The following SYNPR variants were observed in gnomAD, a reference collection of about 807,000 sequenced individuals.
SYNPR encodes synaptoporin.
SYNPR carries 23 observed loss-of-function variants against 32.9 expected under a neutral mutation model. The ratio of observed to expected loss-of-function variants is 0.70; its 90% confidence interval spans 0.50 to 0.99. The LOEUF is 0.99. SYNPR is among the 50% of genes least tolerant of loss of function. The pLI is 0.00. For missense variants in SYNPR, 318 were observed against 349.3 expected, an observed-to-expected ratio of 0.91 and a Z score of 0.71; for synonymous variants, 146 against 135.9, an observed-to-expected ratio of 1.07 and a Z score of -0.52.
chr3:63,441,796 C>T lies in SYNPR; in HGVS notation c.85-39036C>T, dbSNP rs555331173. Among the ~76,000 whole-genome samples, 29 of 152,266 alleles carry T rather than the reference C, an allele frequency of 1.9e-4. No homozygotes were observed. The East Asian group carries it at 4.3e-3, about 22-fold the overall frequency. ...CAAAAGCTCAGGCATAGGCAACAAG[C>T]GGATCGAAAGAGATGGAGGAGAGAG... On this transcript the variant is annotated intron_variant, in intron 2 of 5. Coordinates refer to ENST00000478300, the MANE Select transcript of SYNPR (RefSeq NM_001130003.2).
chr3:63,451,926 T>TC, intron 2 of SYNPR: 1 of 554,390 alleles, frequency 1.8e-6, no homozygotes, highest in South Asian at 2.6e-5. Flanking sequence ...CCAGGCTCCT[T>TC]CCCTCAGCTC....
chr3:63,564,350 C>T (rs1702747949), intron 4 of SYNPR, among the ~76,000 whole-genome samples: 1 of 152,098 alleles, frequency 6.6e-6, no homozygotes, highest in East Asian at 1.9e-4. Context: ...GGGTGCACCA[C>T]CATGCCCAGC....
chr3:63,591,108 G>C (rs369334549), intron 4 of SYNPR, among the ~76,000 whole-genome samples: 1 of 150,300 alleles, frequency 6.7e-6, no homozygotes, highest in African/African-American at 2.5e-5. Flanking sequence ...ACAAATTTAC[G>C]AGAAAAAAAC....
At chr3:63,552,341 A>G (rs1294315667) in intron 3 of SYNPR, among the ~76,000 whole-genome samples, 2 of 152,108 alleles carry the variant, frequency 1.3e-5, no homozygotes, top group African/African-American at 4.8e-5. Flanking sequence ...AATCCATTTC[A>G]TTTTTCAGTA....
At chr3:63,573,542 T>A (rs1052906066) in intron 4 of SYNPR, among the ~76,000 whole-genome samples, 1 of 152,214 alleles carries the variant, frequency 6.6e-6, no homozygotes, top group Non-Finnish European at 1.5e-5. Flanking sequence ...TCAGAATGAA[T>A]GCTGGGAGCA....
chr3:63,468,301 G>T lies in SYNPR; in HGVS notation c.85-12531G>T, dbSNP rs80050531. On this transcript the variant is annotated intron_variant, in intron 2 of 5. Coordinates refer to ENST00000478300, the MANE Select transcript of SYNPR (RefSeq NM_001130003.2). ...ACTTGCCAGTATGGTGTTCAAAGGAGGTAGAATGTAGAAAGGTTTTTAAAT... is the reference window on the plus strand; with the variant it reads ...ACTTGCCAGTATGGTGTTCAAAGGATGTAGAATGTAGAAAGGTTTTTAAAT... Among the ~76,000 whole-genome samples the T allele has an allele frequency of 4.5e-3, 678 of 152,046 alleles. 2 individuals carry two copies. Among genetic ancestry groups the T allele is most frequent in the South Asian group, 0.011 (55 of 4,804 alleles).
intron 2 of SYNPR, among the ~76,000 whole-genome samples, chr3:63,287,704 G>A (rs1264193551): frequency 6.6e-6 from 1 of 152,200 alleles, no homozygotes; most frequent in Non-Finnish European, 1.5e-5. Context: ...TGAATTATTG[G>A]TAACACATTG....
intron 2 of SYNPR, among the ~76,000 whole-genome samples, chr3:63,337,993 C>CT (rs939064219): frequency 6.3e-4 from 96 of 152,238 alleles, no homozygotes; most frequent in African/African-American, 2.0e-3. Flanking sequence ...ACAGGGAACT[C>CT]TAATGCAAAC....
the SYNPR span, among the ~76,000 whole-genome samples, chr3:63,220,199 T>G: frequency 6.6e-6 from 1 of 152,168 alleles, no homozygotes; most frequent in African/African-American, 2.4e-5. Flanking sequence ...ACTGCTGTAA[T>G]CCAGGTTAGA....
At chr3:63,584,735 A>AGAATGAGACCTACTTAAATGC (rs1703153653) in intron 4 of SYNPR, among the ~76,000 whole-genome samples, 1 of 152,148 alleles carries the variant, frequency 6.6e-6, no homozygotes, top group Admixed American at 6.6e-5. Flanking sequence ...TTGAACTGGC[A>AGAATGAGACCTACTTAAATGC]GAATGAGACC....
chr3:63,488,852 C>T (rs1701204335), intron 3 of SYNPR, among the ~76,000 whole-genome samples: 1 of 149,676 alleles, frequency 6.7e-6, no homozygotes, highest in Non-Finnish European at 1.5e-5. Flanking sequence ...AAATATGTGC[C>T]ATGGCTGCTG....
the SYNPR span, among the ~76,000 whole-genome samples, chr3:63,209,950 G>A: frequency 6.6e-6 from 1 of 152,066 alleles, no homozygotes; most frequent in African/African-American, 2.4e-5. Flanking sequence ...AGAAATATTT[G>A]TTGGATGAAT....
chr3:63,285,175 A>G (rs766129285), intron 2 of SYNPR, among the ~76,000 whole-genome samples: 1 of 152,242 alleles, frequency 6.6e-6, no homozygotes, highest in African/African-American at 2.4e-5. Context: ...GAAAATGCCA[A>G]GGAACATTTG....
intron 2 of SYNPR, among the ~76,000 whole-genome samples, chr3:63,472,801 A>G (rs898439099): frequency 4.6e-5 from 7 of 152,018 alleles, no homozygotes; most frequent in African/African-American, 1.7e-4. Flanking sequence ...CTGAAAACCT[A>G]TTCTGCTTGC....
intron 2 of SYNPR, among the ~76,000 whole-genome samples, chr3:63,440,645 A>G (rs1325498194): frequency 6.6e-6 from 1 of 152,210 alleles, no homozygotes; most frequent in Non-Finnish European, 1.5e-5. Flanking sequence ...GAATCTGCCT[A>G]TTAGCCTTAG....
At chr3:63,358,764 A>G (rs1450931927) in intron 2 of SYNPR, among the ~76,000 whole-genome samples, 2 of 152,202 alleles carry the variant, frequency 1.3e-5, no homozygotes, top group Non-Finnish European at 2.9e-5. Flanking sequence ...CTTAATCCTC[A>G]AAACAGAACT....
chr3:63,258,149 T>C (rs527454504), intron 2 of SYNPR, among the ~76,000 whole-genome samples: 2 of 152,210 alleles, frequency 1.3e-5, no homozygotes, highest in South Asian at 2.1e-4. Flanking sequence ...ACTGTCAACA[T>C]TAGACAGATC....
At chr3:63,313,519 G>T (rs1193607372) in intron 2 of SYNPR, among the ~76,000 whole-genome samples, 1 of 150,218 alleles carries the variant, frequency 6.7e-6, no homozygotes, top group African/African-American at 2.4e-5. Context: ...ATCTCATCCA[G>T]GTCACTGCAA....
intron 3 of SYNPR, among the ~76,000 whole-genome samples, chr3:63,524,870 TGAGA>T (rs59919433): frequency 0.13 from 18,242 of 140,138 alleles, 1,128 homozygotes; most frequent in East Asian, 0.17. Flanking sequence ...TGTGTGTGTG[TGAGA>T]GAGAGAGAGA....
Sources: allele counts gnomAD v4.1 joint callset (sites outside exome capture counted in the v4.1 genomes callset), GRCh38; gene constraint gnomAD v4.1.1; transcripts MANE v1.5; gene names NCBI Gene and HGNC (gene_info 2026-07-23, HGNC 2026-07-21).